Variants in TNR observed in about 807,000 individuals in gnomAD.
TNR encodes tenascin-R.
Under a neutral mutation model 150.4 loss-of-function variants are expected in TNR, and 45 were observed. That is an observed-to-expected ratio of 0.30 (90% CI 0.24 to 0.38). The LOEUF is 0.38. Among genes scored for constraint, TNR ranks in the 10% least tolerant of loss-of-function variants. The pLI is 1.00. For missense variants in TNR, 1,544 were observed against 1,759.1 expected, an observed-to-expected ratio of 0.88 and a Z score of 2.19; for synonymous variants, 687 against 678.4, an observed-to-expected ratio of 1.01 and a Z score of -0.20.
chr1:175,385,975 C>G, intron 8 of TNR, 57 bp downstream of exon 8: 1 of 1,511,396 alleles, frequency 6.6e-7, no homozygotes, highest in Middle Eastern at 1.8e-4. Context: ...ATGACACCAC[C>G]GGTTGGCTCC....
chr1:175,451,599 A>C (rs1656323868), intron 2 of TNR, among the ~76,000 whole-genome samples: 1 of 152,126 alleles, frequency 6.6e-6, no homozygotes, highest in East Asian at 1.9e-4. Context: ...TTGGGGAGAC[A>C]CTTTTGGATA....
chr1:175,453,474 A>C (rs1311937132), intron 2 of TNR, among the ~76,000 whole-genome samples: 1 of 152,088 alleles, frequency 6.6e-6, no homozygotes, highest in African/African-American at 2.4e-5. Context: ...GGGGACACAC[A>C]GGTTTCTGCA....
At chr1:175,489,077 G>A (rs185675606) in intron 2 of TNR, among the ~76,000 whole-genome samples, 1 of 152,172 alleles carries the variant, frequency 6.6e-6, no homozygotes, top group Non-Finnish European at 1.5e-5. Context: ...CTACACAATA[G>A]TTTAGATGCC....
chr1:175,339,252 T>C (rs536237340), intron 18 of TNR, among the ~76,000 whole-genome samples: 1 of 152,326 alleles, frequency 6.6e-6, no homozygotes, highest in South Asian at 2.1e-4. Context: ...TTACTGAAGA[T>C]AGAAATCTAT....
At chr1:175,653,893 T>G (rs567231987) in intron 1 of TNR, among the ~76,000 whole-genome samples, 1 of 152,350 alleles carries the variant, frequency 6.6e-6, no homozygotes, top group South Asian at 2.1e-4. Flanking sequence ...TTTATAATTA[T>G]ATACTATTTC....
intron 1 of TNR, among the ~76,000 whole-genome samples, chr1:175,573,459 A>T (rs1399600477): frequency 6.6e-6 from 1 of 152,190 alleles, no homozygotes; most frequent in Non-Finnish European, 1.5e-5. Flanking sequence ...CTTGCTAAGC[A>T]AAGTAAGATG....
intron 5 of TNR, among the ~76,000 whole-genome samples, chr1:175,394,302 A>G (rs1653318964): frequency 6.6e-6 from 1 of 152,222 alleles, no homozygotes; most frequent in African/African-American, 2.4e-5. Context: ...GGGAGGTACT[A>G]TGATGGCTTC....
chr1:175,550,936 T>C (rs1483199660), intron 1 of TNR, among the ~76,000 whole-genome samples: 2 of 151,970 alleles, frequency 1.3e-5, no homozygotes, highest in African/African-American at 4.8e-5. Context: ...GTGTAGGAGA[T>C]AAAAGTGAGG....
chr1:175,519,691 G>T (rs956901548), intron 2 of TNR, among the ~76,000 whole-genome samples: 5 of 152,168 alleles, frequency 3.3e-5, no homozygotes, highest in Admixed American at 3.3e-4. Context: ...GCTCTACAGG[G>T]GTGCCCTGCT....
At chr1:175,433,009 C>T (rs1228374342) in intron 2 of TNR, among the ~76,000 whole-genome samples, 1 of 152,088 alleles carries the variant, frequency 6.6e-6, no homozygotes, top group Non-Finnish European at 1.5e-5. Flanking sequence ...TTTGCCCTTT[C>T]ATCTTCCTTC....
At chr1:175,349,112 C>T (rs983292042) in intron 18 of TNR, among the ~76,000 whole-genome samples, 1 of 152,086 alleles carries the variant, frequency 6.6e-6, no homozygotes, top group Non-Finnish European at 1.5e-5. Context: ...TGATGCATGT[C>T]GTTAGGAAAT....
At chr1:175,509,670 T>C (rs1204735266) in intron 2 of TNR, among the ~76,000 whole-genome samples, 1 of 152,174 alleles carries the variant, frequency 6.6e-6, no homozygotes, top group Admixed American at 6.5e-5. Context: ...GTCAACTCAA[T>C]AATAACTTGG....
intron 2 of TNR, among the ~76,000 whole-genome samples, chr1:175,516,469 A>G (rs1659410278): frequency 6.6e-6 from 1 of 152,186 alleles, no homozygotes; most frequent in Non-Finnish European, 1.5e-5. Context: ...TGTGTGGTCC[A>G]TTTCCTGATA....
chr1:175,339,579 G>A (rs1650417956), intron 18 of TNR, among the ~76,000 whole-genome samples: 1 of 152,146 alleles, frequency 6.6e-6, no homozygotes, highest in Admixed American at 6.5e-5. Context: ...GGAACAACCA[G>A]CCTGTCTGCC....
At chr1:175,704,931 G>C (rs766849589) in intron 1 of TNR, among the ~76,000 whole-genome samples, 1 of 152,154 alleles carries the variant, frequency 6.6e-6, no homozygotes, top group South Asian at 2.1e-4. Context: ...GTCTGGGCAG[G>C]GGAGGGAAGT....
At chr1:175,443,143 T>G (rs1655870757) in intron 2 of TNR, among the ~76,000 whole-genome samples, 1 of 152,222 alleles carries the variant, frequency 6.6e-6, no homozygotes, top group African/African-American at 2.4e-5. Context: ...CATTTGACTT[T>G]TTCTGCCAAT....
intron 7 of TNR, among the ~76,000 whole-genome samples, chr1:175,386,710 A>T (rs1312470972): frequency 6.6e-6 from 1 of 152,146 alleles, no homozygotes; most frequent in Non-Finnish European, 1.5e-5. Context: ...AGACCTAGGA[A>T]ATGACCAGCC....
intron 2 of TNR, among the ~76,000 whole-genome samples, chr1:175,485,932 C>A (rs1657994463): frequency 6.6e-6 from 1 of 152,142 alleles, no homozygotes; most frequent in Non-Finnish European, 1.5e-5. Flanking sequence ...TCATCACCAT[C>A]CTTCTGATGA....
intron 18 of TNR, among the ~76,000 whole-genome samples, chr1:175,349,705 G>C (rs1489894403): frequency 1.3e-5 from 2 of 152,168 alleles, no homozygotes; most frequent in African/African-American, 2.4e-5. Flanking sequence ...GACATGGGTG[G>C]TATGTGAAAA....
Sources: allele counts gnomAD v4.1 joint callset (sites outside exome capture counted in the v4.1 genomes callset), GRCh38; gene constraint gnomAD v4.1.1; transcripts MANE v1.5; gene names NCBI Gene and HGNC (gene_info 2026-07-23, HGNC 2026-07-21).